Variants in RGS7 observed in about 807,000 individuals in gnomAD.
RGS7 encodes the protein regulator of G protein signaling 7.
In RGS7, 27 loss-of-function variants were observed where a neutral mutation model predicts 81.1. The ratio of observed to expected loss-of-function variants is 0.33; its 90% CI spans 0.25 to 0.46. RGS7 has a LOEUF of 0.46. Among genes scored for constraint, RGS7 ranks in the 20% least tolerant of loss-of-function variants. RGS7 has a pLI of 1.00. For missense variants in RGS7, 396 were observed against 607.4 expected (o/e 0.65, Z 3.66); for synonymous variants, 208 against 207.7 (o/e 1.00, Z -0.01).
At chr1:241,200,821 G>A (rs1329686656) in intron 2 of RGS7, among the ~76,000 whole-genome samples, 1 of 152,094 alleles carries the variant, frequency 6.6e-6, no homozygotes, top group South Asian at 2.1e-4. Flanking sequence ...ACTCTCCTCA[G>A]TTTCTCATTA....
At chr1:241,132,264 A>C (rs2067152656) in intron 2 of RGS7, 1 of 154,820 alleles carries the variant, frequency 6.5e-6, no homozygotes, top group African/African-American at 2.4e-5. Context: ...ATTTTGTTAG[A>C]ATGTAACATG....
intron 18 of RGS7, among the ~76,000 whole-genome samples, chr1:240,789,955 G>A (rs1685704352): frequency 6.6e-6 from 1 of 152,126 alleles, no homozygotes; most frequent in African/African-American, 2.4e-5. Flanking sequence ...CACGGAACCT[G>A]CCGACATGTG....
chr1:241,129,160 G>C (rs2066901877), intron 2 of RGS7, among the ~76,000 whole-genome samples: 2 of 151,594 alleles, frequency 1.3e-5, no homozygotes, highest in South Asian at 4.2e-4. Flanking sequence ...CATGCTATAA[G>C]TAACACTGAA....
At chr1:241,096,162 G>C (rs2064236390) in intron 3 of RGS7, among the ~76,000 whole-genome samples, 1 of 152,118 alleles carries the variant, frequency 6.6e-6, no homozygotes, top group Non-Finnish European at 1.5e-5. Context: ...TGTTTCATTA[G>C]AAGCTCTGCA....
chr1:240,861,971 G>T (rs893277376), intron 9 of RGS7, among the ~76,000 whole-genome samples: 2 of 152,118 alleles, frequency 1.3e-5, no homozygotes, highest in African/African-American at 4.8e-5. Flanking sequence ...GTGTATATGT[G>T]TGGGGCTTCA....
intron 2 of RGS7, among the ~76,000 whole-genome samples, chr1:241,320,813 CA>C (rs1421438792): frequency 6.6e-6 from 1 of 152,086 alleles, no homozygotes; most frequent in African/African-American, 2.4e-5. Flanking sequence ...GTAGCAGGAA[CA>C]AAAAGGGGTG....
At chr1:240,790,436 C>T (rs1221643528) in intron 18 of RGS7, among the ~76,000 whole-genome samples, 1 of 152,072 alleles carries the variant, frequency 6.6e-6, no homozygotes, top group East Asian at 1.9e-4. Context: ...GCTGGGATTA[C>T]AGGCACAAGC....
chr1:241,004,182 A>G (rs988496549), intron 3 of RGS7, among the ~76,000 whole-genome samples: 19 of 152,220 alleles, frequency 1.2e-4, no homozygotes, highest in African/African-American at 4.3e-4. Flanking sequence ...TTAATCCAAG[A>G]CTAAGGCCTG....
chr1:241,021,040 C>A lies in RGS7; in HGVS notation c.176-37911G>T, dbSNP rs976580940. Reference sequence around the variant, plus strand: ...AAAATGCTGACAGAAAGACTCACGACATTGGTAGAACTTCTTATTAGTGTT... The same window carrying A: ...AAAATGCTGACAGAAAGACTCACGAAATTGGTAGAACTTCTTATTAGTGTT... On this transcript the variant is annotated intron_variant, in intron 3 of 18. Transcript: ENST00000440928. Among the ~76,000 whole-genome samples, 3 of 152,182 alleles carry A rather than the reference C, an allele frequency of 2.0e-5. No individual in the cohort carries two copies. In the South Asian group the frequency reaches 6.2e-4, roughly 32 times the overall value.
At chr1:241,261,335 A>T (rs1254511423) in intron 2 of RGS7, among the ~76,000 whole-genome samples, 1 of 152,092 alleles carries the variant, frequency 6.6e-6, no homozygotes, top group Non-Finnish European at 1.5e-5. Flanking sequence ...AGCTCTTGCT[A>T]CATTTTAAGT....
At chr1:240,975,307 C>G (rs941164933) in intron 4 of RGS7, among the ~76,000 whole-genome samples, 9 of 152,106 alleles carry the variant, frequency 5.9e-5, no homozygotes, top group Non-Finnish European at 1.2e-4. Context: ...GAGGCTGAGG[C>G]AGGAGAATAG....
intron 2 of RGS7, among the ~76,000 whole-genome samples, chr1:241,296,703 T>G (rs1264300829): frequency 6.6e-6 from 1 of 152,242 alleles, no homozygotes; most frequent in East Asian, 1.9e-4. Context: ...CATTCTAGTC[T>G]GTGGCCTGCA....
intron 2 of RGS7, among the ~76,000 whole-genome samples, chr1:241,344,681 A>G (rs1410197486): frequency 6.6e-6 from 1 of 152,222 alleles, no homozygotes; most frequent in Non-Finnish European, 1.5e-5. Context: ...AACAATCCTG[A>G]GTTGCCAGAA....
chr1:240,856,450 T>TAA lies in RGS7; in HGVS notation c.609+12135_609+12136dup, dbSNP rs1278409857. On this transcript the variant is annotated intron_variant, in intron 9 of 18. Transcript: ENST00000440928. ...TATAAATGTTGGTTGAAAGACATAC[T>TAA]AAATGAATGAATCAACTGTGTAATG... Among the ~76,000 whole-genome samples the TAA allele has an allele frequency of 2.0e-5, 3 of 152,184 alleles. No homozygotes were observed. The East Asian group carries it at 5.8e-4, about 29-fold the overall frequency.
intron 13 of RGS7, among the ~76,000 whole-genome samples, chr1:240,813,033 T>C (rs746755977): frequency 6.6e-6 from 1 of 152,152 alleles, no homozygotes; most frequent in Non-Finnish European, 1.5e-5. Context: ...AGAGCACCCA[T>C]CTTTTCTTTG....
intron 2 of RGS7, among the ~76,000 whole-genome samples, chr1:241,167,109 A>G (rs756630276): frequency 3.3e-5 from 5 of 152,174 alleles, no homozygotes; most frequent in Non-Finnish European, 7.3e-5. Flanking sequence ...TCACCAAAAT[A>G]AGAAAAGCAA....
intron 2 of RGS7, among the ~76,000 whole-genome samples, chr1:241,162,070 G>A (rs1401313219): frequency 6.6e-6 from 1 of 152,058 alleles, no homozygotes; most frequent in African/African-American, 2.4e-5. Flanking sequence ...GGTCAGGAGA[G>A]GACCCCCAAC....
intron 3 of RGS7, among the ~76,000 whole-genome samples, chr1:241,049,177 T>C (rs543097915): frequency 2.6e-5 from 4 of 152,274 alleles, no homozygotes; most frequent in South Asian, 4.1e-4. Flanking sequence ...CATATCTTTT[T>C]TGGGGACCAG....
At chr1:240,821,667 G>C (rs1691835386) in intron 10 of RGS7, among the ~76,000 whole-genome samples, 1 of 152,162 alleles carries the variant, frequency 6.6e-6, no homozygotes, top group Admixed American at 6.5e-5. Context: ...AGAACCACTG[G>C]ATTATTAATA....
Sources: allele counts gnomAD v4.1 joint callset (sites outside exome capture counted in the v4.1 genomes callset), GRCh38; gene constraint gnomAD v4.1.1; transcripts MANE v1.5; gene names NCBI Gene and HGNC (gene_info 2026-07-23, HGNC 2026-07-21).